RALGAPA1: variants seen among roughly 807,000 people sequenced by gnomAD.
RALGAPA1 encodes ral GTPase-activating protein subunit alpha-1.
RALGAPA1 carries 52 observed loss-of-function variants against 269.6 expected under a neutral mutation model. That is an observed-to-expected ratio of 0.19 (90% CI 0.15 to 0.24). The LOEUF is 0.24. RALGAPA1 is among the 10% of genes least tolerant of loss of function. RALGAPA1 has a pLI of 1.00. For synonymous variants in RALGAPA1, 817 were observed against 1,008.3 expected (o/e 0.81, Z 3.60); for missense variants, 1,917 against 3,013.9 (o/e 0.64, Z 8.52).
At chr14:35,782,349 C>A (rs1396647889) in intron 1 of RALGAPA1, among the ~76,000 whole-genome samples, 1 of 152,190 alleles carries the variant, frequency 6.6e-6, no homozygotes. Flanking sequence ...ATTCTGTGTT[C>A]ATGAGTAAGA....
intron 25 of RALGAPA1, among the ~76,000 whole-genome samples, chr14:35,672,524 T>C (rs1476469964): frequency 6.6e-6 from 1 of 152,008 alleles, no homozygotes; most frequent in Non-Finnish European, 1.5e-5. Flanking sequence ...GCCTCAAGTA[T>C]CAGTCACAAA....
At chr14:35,666,194 T>A (rs750946467) in intron 26 of RALGAPA1, among the ~76,000 whole-genome samples, 5 of 151,858 alleles carry the variant, frequency 3.3e-5, no homozygotes, top group Non-Finnish European at 7.4e-5. Flanking sequence ...CCAGAAAAAA[T>A]TTTAAAGACT....
chr14:35,542,845 C>T (rs948474711), intron 41 of RALGAPA1, among the ~76,000 whole-genome samples: 1 of 152,138 alleles, frequency 6.6e-6, no homozygotes, highest in East Asian at 1.9e-4. Flanking sequence ...TCATATATTG[C>T]ACATTGATTA....
intron 1 of RALGAPA1, among the ~76,000 whole-genome samples, chr14:35,808,201 A>C (rs2077508333): frequency 1.3e-5 from 2 of 152,156 alleles, no homozygotes; most frequent in Non-Finnish European, 2.9e-5. Context: ...TCTCCCTCTA[A>C]ATGACTAGTG....
chr14:35,566,867 TTA>T (rs35308714), intron 39 of RALGAPA1, among the ~76,000 whole-genome samples: 9,576 of 145,178 alleles, frequency 0.066, 370 homozygotes, highest in South Asian at 0.11. Context: ...ACTTTGTACA[TTA>T]TATATATATA....
chr14:35,607,926 A>G (rs1217886022), intron 35 of RALGAPA1, among the ~76,000 whole-genome samples: 1 of 152,204 alleles, frequency 6.6e-6, no homozygotes, highest in Non-Finnish European at 1.5e-5. Context: ...ATAAGGAACA[A>G]TTAGAGTAAG....
At chr14:35,586,564 C>G (rs578015783) in intron 37 of RALGAPA1, among the ~76,000 whole-genome samples, 14 of 152,306 alleles carry the variant, frequency 9.2e-5, no homozygotes, top group African/African-American at 3.4e-4. Context: ...TTTGCCCATT[C>G]AGTATGACAT....
At chr14:35,619,884 A>C (rs986121923) in intron 35 of RALGAPA1, among the ~76,000 whole-genome samples, 1 of 152,084 alleles carries the variant, frequency 6.6e-6, no homozygotes, top group Non-Finnish European at 1.5e-5. Context: ...ACAGTCCAGG[A>C]CTACAAACCA....
At chr14:35,792,707 C>T (rs1166096693) in intron 1 of RALGAPA1, among the ~76,000 whole-genome samples, 6 of 148,800 alleles carry the variant, frequency 4.0e-5, no homozygotes, top group Non-Finnish European at 5.9e-5. Context: ...TGCTTGAACC[C>T]GGCAAGTAGA....
chr14:35,760,748 G>A, intron 6 of RALGAPA1, 81 bp downstream of exon 6: 1 of 987,488 alleles, frequency 1.0e-6, no homozygotes, highest in Non-Finnish European at 1.5e-6. Context: ...GTTAATGAAT[G>A]CACAGACATT....
At chr14:35,705,864 G>A (rs535720621) in intron 16 of RALGAPA1, among the ~76,000 whole-genome samples, 8 of 152,214 alleles carry the variant, frequency 5.3e-5, no homozygotes, top group South Asian at 2.1e-4. Context: ...GTGTGTAGTG[G>A]TATCTTGTCT....
chr14:35,574,850 G>A (rs1228514411), intron 37 of RALGAPA1, among the ~76,000 whole-genome samples: 1 of 152,014 alleles, frequency 6.6e-6, no homozygotes, highest in Non-Finnish European at 1.5e-5. Context: ...TATGGAGCAG[G>A]GTGTGGTGGC....
chr14:35,671,348 G>A lies in RALGAPA1; in HGVS notation c.5202+41C>T, dbSNP rs767443744. The stretch of plus-strand genomic sequence containing the variant: ...TATCAACTTTGTTAGTTGAATCCTG[G>A]CTAAAGTTTGTTATATGATAAGGAA... On this transcript the variant is annotated intron_variant, in intron 26 of 41. Coordinates refer to ENST00000680220, the MANE Select transcript of RALGAPA1 (RefSeq NM_001346249.2). 8 of 1,496,446 alleles carry A rather than the reference G, an allele frequency of 5.3e-6. No homozygotes were observed. In the Admixed American group the frequency reaches 1.6e-4, roughly 30 times the overall value. 92.7% of individuals were successfully genotyped at this position (1,496,446 alleles called of 1,614,324 possible).
chr14:35,636,291 A>G (rs1401579989), intron 31 of RALGAPA1, among the ~76,000 whole-genome samples: 1 of 152,222 alleles, frequency 6.6e-6, no homozygotes, highest in Non-Finnish European at 1.5e-5. Flanking sequence ...AATTCATTGT[A>G]TTAAAGAATC....
intron 26 of RALGAPA1, among the ~76,000 whole-genome samples, chr14:35,666,503 G>A (rs1381346246): frequency 6.6e-6 from 1 of 152,156 alleles, no homozygotes; most frequent in Non-Finnish European, 1.5e-5. Flanking sequence ...GGGATTACAG[G>A]TGTGAGCCAC....
chr14:35,732,126 C>T (rs2070537163), intron 12 of RALGAPA1, among the ~76,000 whole-genome samples: 1 of 152,104 alleles, frequency 6.6e-6, no homozygotes, highest in African/African-American at 2.4e-5. Context: ...ATTTTGTATC[C>T]AGCAAAACTA....
intron 3 of RALGAPA1, 141 bp downstream of exon 3, chr14:35,774,865 T>G: frequency 1.5e-6 from 1 of 645,438 alleles, no homozygotes. Context: ...TCAGGCATAT[T>G]TAAAAAATTT....
chr14:35,689,759 A>T lies in RALGAPA1; in HGVS notation c.2652T>A (p.Thr884=). ...LQSSTEASSI[T]RSTESHITDT... ...CAGTGATGTGGCTTTCAGTGGATCT[A>T]GTTATTGAAGAAGCCTCTGTGGAAC... The change falls in exon 18 of 42, where the codon ACT becomes ACA. Residue 884 remains threonine (T), a synonymous_variant. Coordinates refer to ENST00000680220, the MANE Select transcript of RALGAPA1 (RefSeq NM_001346249.2). 1 of 1,501,714 alleles carries T rather than the reference A, an allele frequency of 6.7e-7. No homozygotes were observed. Among genetic ancestry groups the T allele is most frequent in the East Asian group, 2.5e-5 (1 of 39,590 alleles). The allele number at this position is 1,501,714 out of a possible 1,614,324, so 93.0% of individuals were successfully genotyped here.
intron 31 of RALGAPA1, among the ~76,000 whole-genome samples, chr14:35,643,978 A>ACAGAGTG (rs2062206162): frequency 6.6e-6 from 1 of 152,226 alleles, no homozygotes; most frequent in Admixed American, 6.5e-5. Context: ...TGCTAGCAAA[A>ACAGAGTG]CAGAGTGACT....
Sources: gnomAD v4.1 joint callset for allele counts (sites outside exome capture counted in the v4.1 genomes callset) on GRCh38, gnomAD v4.1.1 for gene constraint, MANE v1.5 for transcripts, NCBI Gene and HGNC (gene_info 2026-07-23, HGNC 2026-07-21) for gene names.